Variants in TG observed in about 807,000 individuals in gnomAD.
TG encodes the protein thyroglobulin, also known as thyroid hormones.
In TG, 270 loss-of-function variants were observed where a neutral mutation model predicts 324.7. The ratio of observed to expected loss-of-function variants is 0.83; its 90% CI spans 0.75 to 0.92. The LOEUF (loss-of-function observed/expected upper bound fraction) is 0.92, where lower values mean the gene tolerates loss of function less well. Ranked by LOEUF, TG falls within the 40% of genes least tolerant of loss-of-function variation. The probability of loss-of-function intolerance (pLI) is 0.00; values close to 1 mark genes in which losing one functional copy is unlikely to be tolerated. For missense variants in TG, 3,591 were observed against 3,456.4 expected (o/e 1.04, Z -0.98); for synonymous variants, 1,401 against 1,327.0 (o/e 1.06, Z -1.21).
At chr8:132,973,964 C>T (rs1282830141) in intron 34 of TG, among the ~76,000 whole-genome samples, 3 of 149,196 alleles carry the variant, frequency 2.0e-5, no homozygotes, top group South Asian at 2.1e-4. Flanking sequence ...AAGGGGTCTT[C>T]GAGATCCCTA....
At chr8:133,104,918 T>C (rs1564196361) in intron 43 of TG, among the ~76,000 whole-genome samples, 1 of 152,206 alleles carries the variant, frequency 6.6e-6, no homozygotes, top group Non-Finnish European at 1.5e-5. Context: ...CACCAAGCTC[T>C]GCTCCATGAC....
chr8:133,134,569 A>G, intron 47 of TG, 107 bp from the exon 48 acceptor site: 1 of 1,052,078 alleles, frequency 9.5e-7, no homozygotes, highest in Non-Finnish European at 1.5e-6. Context: ...GGGCATTAGC[A>G]AGAAATGTCC....
chr8:133,038,937 GTGCAATCTCTGCTCAC>G (rs1837613867), intron 41 of TG, among the ~76,000 whole-genome samples: 1 of 152,126 alleles, frequency 6.6e-6, no homozygotes, highest in Non-Finnish European at 1.5e-5. Context: ...GAGTGCAGTG[GTGCAATCTCTGCTCAC>G]TGCAACCTCT....
intron 41 of TG, among the ~76,000 whole-genome samples, chr8:133,032,682 T>C (rs543982912): frequency 1.3e-5 from 2 of 152,342 alleles, no homozygotes; most frequent in African/African-American, 4.8e-5. Flanking sequence ...CAACAGATGT[T>C]TGGGGAAATG....
intron 34 of TG, among the ~76,000 whole-genome samples, chr8:132,980,582 T>C (rs4641045): frequency 0.023 from 3,440 of 152,170 alleles, 66 homozygotes; most frequent in Non-Finnish European, 0.038. Flanking sequence ...AAATTATTGA[T>C]CCCAAGGAGG....
rs144668287 is a variant in TG, at chr8:133,121,894, G to C, written c.7862+5178G>C. Among the ~76,000 whole-genome samples the C allele has an allele frequency of 6.6e-4, 101 of 152,230 alleles. 1 individual carries two copies. The East Asian group carries it at 0.017, about 26-fold the overall frequency. On this transcript the variant is annotated intron_variant, in intron 45 of 47. Transcript: ENST00000220616. Reference sequence around the variant, plus strand: ...GTAGCAGATAATTGAATCAATGAATGACTCACAGAAACTAACTCATTTGAT... The same window carrying C: ...GTAGCAGATAATTGAATCAATGAATCACTCACAGAAACTAACTCATTTGAT...
intron 23 of TG, among the ~76,000 whole-genome samples, chr8:132,929,668 G>C (rs1454696952): frequency 6.6e-6 from 1 of 152,134 alleles, no homozygotes; most frequent in Non-Finnish European, 1.5e-5. Flanking sequence ...AACCAGCAAG[G>C]GGTCAGGGCT....
At chr8:133,090,870 C>T (rs1414816096) in intron 41 of TG, among the ~76,000 whole-genome samples, 1 of 152,142 alleles carries the variant, frequency 6.6e-6, no homozygotes, top group African/African-American at 2.4e-5. Flanking sequence ...TGGCCTCACC[C>T]CGCACCCCCC....
chr8:132,891,176 G>C (rs533678572), intron 10 of TG, among the ~76,000 whole-genome samples: 16 of 152,294 alleles, frequency 1.1e-4, no homozygotes, highest in African/African-American at 3.9e-4. Flanking sequence ...TTCTTGAGAG[G>C]AGTTTGTCCA....
In TG at chr8:132,913,237, T is replaced by C; in HGVS notation, c.4350T>C (p.Ser1450=). Residue 1450 remains serine, a synonymous_variant, in exon 20 of 48, where the codon AGT becomes AGC. Coordinates refer to ENST00000220616, the MANE Select transcript of TG (RefSeq NM_003235.5). ...CSEGFYQVLT[S]EASQDGLGCV... is the part of the protein sequence containing the mutation. ...AAGGATTCTACCAAGTCTTGACAAG[T>C]GAGGCCAGTCAGGACGGACTGGGAT... 1 of 1,614,092 alleles carries C rather than the reference T, an allele frequency of 6.2e-7. No individual in the cohort carries two copies. Among genetic ancestry groups the C allele is most frequent in the Non-Finnish European group, 8.5e-7 (1 of 1,179,998 alleles).
intron 43 of TG, among the ~76,000 whole-genome samples, chr8:133,110,005 T>C (rs1015728501): frequency 2.6e-5 from 4 of 152,116 alleles, no homozygotes; most frequent in African/African-American, 7.2e-5. Flanking sequence ...GTTTGTACAG[T>C]GATTGCCAGA....
chr8:132,889,839 C>T (rs144048298), intron 10 of TG, among the ~76,000 whole-genome samples: 39 of 152,238 alleles, frequency 2.6e-4, no homozygotes, highest in African/African-American at 9.1e-4. Flanking sequence ...TGCAATGGAG[C>T]GATCTCAGCT....
intron 41 of TG, among the ~76,000 whole-genome samples, chr8:133,081,602 C>T (rs1269926933): frequency 1.3e-5 from 2 of 152,106 alleles, no homozygotes; most frequent in Non-Finnish European, 2.9e-5. Flanking sequence ...AAAAAAGTAG[C>T]CGCTTTATGT....
At chr8:133,097,002 C>T (rs766297861) in intron 43 of TG, among the ~76,000 whole-genome samples, 1 of 152,214 alleles carries the variant, frequency 6.6e-6, no homozygotes, top group Non-Finnish European at 1.5e-5. Flanking sequence ...TGAGCACATG[C>T]TCCTCTGCCC....
At chr8:133,096,150 C>A (rs1588084098) in intron 42 of TG, 56 bp from the exon 43 acceptor site, 3 of 1,596,782 alleles carry the variant, frequency 1.9e-6, no homozygotes, top group East Asian at 4.5e-5. Context: ...CCTCTTTATG[C>A]AAAGCAGTGC....
chr8:132,978,939 G>T lies in TG; in HGVS notation c.6200-4411G>T, dbSNP rs114067595. 3.4e-3 allele frequency among the ~76,000 whole-genome samples: 520 copies of T among 152,360 alleles called. 4 individuals are homozygous for T. Among genetic ancestry groups the T allele is most frequent in the African/African-American group, 0.012 (501 of 41,570 alleles). The stretch of plus-strand genomic sequence containing the variant: ...ACCAAAAGGAGAGTCCAAAGAGCCT[G>T]CAGCCATGGGCCTTCTGATTCTGCT... On this transcript the variant is annotated intron_variant, in intron 34 of 47. Coordinates refer to ENST00000220616, the MANE Select transcript of TG (RefSeq NM_003235.5).
chr8:133,001,722 C>T lies in TG; in HGVS notation c.6263-10179C>T, dbSNP rs373768577. On this transcript the variant is annotated intron_variant, in intron 35 of 47. Transcript: ENST00000220616. ...TTCCTTCCAGCAAGTGCCCTGTGGC[C>T]GTACAGGCCTCCAAGGCAGCTTCCA... 120 of 985,160 alleles carry T rather than the reference C, an allele frequency of 1.2e-4. No individual in the cohort carries two copies. In the South Asian group the frequency reaches 3.9e-3, roughly 32 times the overall value. The allele number at this position is 985,160 out of a possible 1,614,324, so 61.0% of individuals were successfully genotyped here. A position where few individuals can be genotyped will look rare whatever the true frequency, so the allele number is the denominator to read the frequency against.
At chr8:133,044,278 C>T (rs1325211618) in intron 41 of TG, among the ~76,000 whole-genome samples, 3 of 152,128 alleles carry the variant, frequency 2.0e-5, no homozygotes, top group Non-Finnish European at 4.4e-5. Flanking sequence ...TCAACTTTCT[C>T]TCTCTGGCAG....
Position 133,013,741 on chromosome 8 carries a change from C to A in TG, c.6539C>A (p.Ala2180Asp), listed in dbSNP as rs750268002. ...QNCRLLLREE[A>D]THIYRKPGIS... Reference sequence around the variant, plus strand: ...TGCCGACTTCTGCTTCGTGAAGAGGCCACCCACATCTACCGGAAGCCAGGT... The same window carrying A: ...TGCCGACTTCTGCTTCGTGAAGAGGACACCCACATCTACCGGAAGCCAGGT... Residue 2180 changes from alanine to aspartate, a missense_variant, in exon 37 of 48, where the codon GCC (alanine) becomes GAC (aspartate). Ala to Asp is a moderately radical substitution (Grantham distance 126). Coordinates refer to ENST00000220616, the MANE Select transcript of TG (RefSeq NM_003235.5). 2 of 1,612,054 alleles carry A rather than the reference C, an allele frequency of 1.2e-6. No homozygotes were observed. The highest frequency in any genetic ancestry group is 8.5e-7 in the Non-Finnish European group (1 of 1,179,988).
Sources: gnomAD v4.1 joint callset for allele counts (sites outside exome capture counted in the v4.1 genomes callset) on GRCh38, gnomAD v4.1.1 for gene constraint, MANE v1.5 for transcripts, NCBI Gene and HGNC (gene_info 2026-07-23, HGNC 2026-07-21) for gene names.